Variants in IGSF11 observed in about 807,000 individuals in gnomAD.
The protein encoded by IGSF11 is CXADR like 1.
In IGSF11, 22 loss-of-function variants were observed where a neutral mutation model predicts 41.0. The ratio of observed to expected loss-of-function variants is 0.54; its 90% CI spans 0.38 to 0.77. The LOEUF (loss-of-function observed/expected upper bound fraction) is 0.77, where lower values mean the gene tolerates loss of function less well. IGSF11 is among the 30% of genes least tolerant of loss of function. The pLI is 0.00. For synonymous variants in IGSF11, 219 were observed against 201.3 expected, an observed-to-expected ratio of 1.09 and a Z score of -0.74; for missense variants, 444 against 530.8, an observed-to-expected ratio of 0.84 and a Z score of 1.61.
At chr3:119,014,895 C>T (rs954912005) in intron 1 of IGSF11, among the ~76,000 whole-genome samples, 3 of 152,160 alleles carry the variant, frequency 2.0e-5, no homozygotes, top group African/African-American at 7.2e-5. Flanking sequence ...AACATTAAAC[C>T]TTCAGAAGCA....
intron 1 of IGSF11, among the ~76,000 whole-genome samples, chr3:118,962,107 C>A (rs767781570): frequency 4.6e-5 from 7 of 152,152 alleles, no homozygotes; most frequent in Non-Finnish European, 5.9e-5. Flanking sequence ...ATGTCTCCAA[C>A]TACATATTCC....
In IGSF11 at chr3:118,994,028, G is replaced by A. The variant is rs142600479; in HGVS notation, c.52+40503C>T. On this transcript the variant is annotated intron_variant, in intron 1 of 6. Transcript: ENST00000393775. ...AAATGTTGTGGTATATGAATTATATGTCAATAAAATAGTTTTGCATTGTGC... is the reference window on the plus strand; with the variant it reads ...AAATGTTGTGGTATATGAATTATATATCAATAAAATAGTTTTGCATTGTGC... Among the ~76,000 whole-genome samples, 334 of 152,288 alleles carry A rather than the reference G, an allele frequency of 2.2e-3. 1 individual carries two copies. Among genetic ancestry groups the A allele is most frequent in the Middle Eastern group, 6.8e-3 (2 of 294 alleles).
rs1052289677 is a variant in IGSF11 at position 119,054,982 on chromosome 3, T to G, written c.49+50162A>C. 2.6e-5 allele frequency among the ~76,000 whole-genome samples: 4 copies of G among 152,028 alleles called. 1 individual carries two copies. Among genetic ancestry groups the G allele is most frequent in the East Asian group, 1.9e-4 (1 of 5,176 alleles). The stretch of plus-strand genomic sequence containing the variant: ...CCAGGTACTCCTCTGAGACAAAACT[T>G]TCAGAGGAACAATCAGGCAGCAGCA... On this transcript the variant is annotated intron_variant, in intron 1 of 6. Coordinates refer to the IGSF11 transcript ENST00000354673.
intron 1 of IGSF11, among the ~76,000 whole-genome samples, chr3:119,122,780 T>G (rs1314720663): frequency 6.6e-6 from 1 of 152,188 alleles, no homozygotes; most frequent in Admixed American, 6.5e-5. Context: ...GTGAACCCAC[T>G]GCCTTGAAGG....
intron 1 of IGSF11, among the ~76,000 whole-genome samples, chr3:118,992,539 C>A (rs1043445304): frequency 6.6e-6 from 1 of 152,216 alleles, no homozygotes; most frequent in African/African-American, 2.4e-5. Flanking sequence ...TAGCAGGGCA[C>A]ATAATCACCA....
At position 118,905,630 on chromosome 3, in the gene IGSF11, G is replaced by A; in HGVS notation, c.669C>T (p.Thr223=). ...CCTGGAGATCCAGAAGACAGGTGCT[G>A]GTTCCAATAGCATTAGAAGCCACGC... is the stretch of plus-strand genomic sequence containing the variant. ...YQCVASNAIG[T]STCLLDLQVI... The change falls in exon 5 of 7, where the codon ACC becomes ACT. Residue 223 remains threonine, a synonymous_variant. Coordinates refer to ENST00000393775, the MANE Select transcript of IGSF11 (RefSeq NM_001015887.3). 1.2e-6 allele frequency: 2 copies of A among 1,613,870 alleles called. No individual in the cohort carries two copies. The highest frequency in any genetic ancestry group is 4.5e-5 in the East Asian group (2 of 44,876).
intron 1 of IGSF11, among the ~76,000 whole-genome samples, chr3:119,021,835 A>G (rs1939322515): frequency 6.6e-6 from 1 of 152,212 alleles, no homozygotes; most frequent in South Asian, 2.1e-4. Context: ...GCTTAAATGA[A>G]TCAATTAAGA....
intron 1 of IGSF11, among the ~76,000 whole-genome samples, chr3:119,138,264 CA>C (rs2077589891): frequency 1.3e-5 from 2 of 152,064 alleles, no homozygotes; most frequent in African/African-American, 4.8e-5. Context: ...GAGATATCTT[CA>C]CTCCCATGTT....
chr3:119,120,151 C>A (rs2077313051), intron 1 of IGSF11, among the ~76,000 whole-genome samples: 1 of 152,188 alleles, frequency 6.6e-6, no homozygotes, highest in African/African-American at 2.4e-5. Flanking sequence ...ACACAGAACC[C>A]TTTGGCAAAG....
chr3:118,976,736 T>TAATGTATCA (rs1934153244), intron 1 of IGSF11, among the ~76,000 whole-genome samples: 1 of 152,204 alleles, frequency 6.6e-6, no homozygotes, highest in Non-Finnish European at 1.5e-5. Context: ...TGGACCATAT[T>TAATGTATCA]AATGTATCAA....
At chr3:119,128,810 C>T (rs1398699231) in intron 1 of IGSF11, among the ~76,000 whole-genome samples, 1 of 152,162 alleles carries the variant, frequency 6.6e-6, no homozygotes, top group Admixed American at 6.5e-5. Flanking sequence ...AATCCCATTA[C>T]TGGGTGTATT....
At chr3:118,935,982 C>A in intron 1 of IGSF11, among the ~76,000 whole-genome samples, 1 of 152,094 alleles carries the variant, frequency 6.6e-6, no homozygotes, top group African/African-American at 2.4e-5. Context: ...GAATGTGTCT[C>A]ATGGTTCCTC....
chr3:119,013,846 C>T (rs1345597297), intron 1 of IGSF11, among the ~76,000 whole-genome samples: 1 of 152,136 alleles, frequency 6.6e-6, no homozygotes, highest in African/African-American at 2.4e-5. Context: ...TCTCTCTTTC[C>T]AACCTATTTT....
chr3:118,989,544 C>T (rs994630979), intron 1 of IGSF11, among the ~76,000 whole-genome samples: 1 of 151,986 alleles, frequency 6.6e-6, no homozygotes, highest in Non-Finnish European at 1.5e-5. Flanking sequence ...GTAGAAGACA[C>T]GGGGTTTCAC....
chr3:119,086,659 C>T (rs1033692610), intron 1 of IGSF11, among the ~76,000 whole-genome samples: 9 of 152,140 alleles, frequency 5.9e-5, no homozygotes, highest in Non-Finnish European at 1.0e-4. Context: ...TCATATCCCA[C>T]CAAACTAAAC....
chr3:119,029,277 C>CGAGA (rs10662903), intron 1 of IGSF11, among the ~76,000 whole-genome samples: 3 of 146,336 alleles, frequency 2.1e-5, no homozygotes, highest in Non-Finnish European at 3.0e-5. Context: ...CACACACACC[C>CGAGA]GAGAGAGAGA....
chr3:118,995,884 G>A (rs113909794), intron 1 of IGSF11, among the ~76,000 whole-genome samples: 2 of 152,168 alleles, frequency 1.3e-5, no homozygotes, highest in African/African-American at 4.8e-5. Flanking sequence ...ATCTGACCTC[G>A]TGATCCGCCC....
At chr3:119,003,537 T>A (rs946805233) in intron 1 of IGSF11, among the ~76,000 whole-genome samples, 8 of 151,194 alleles carry the variant, frequency 5.3e-5, no homozygotes, top group Non-Finnish European at 1.2e-4. Context: ...AGAGAGGGCA[T>A]CCCTGTTTTC....
chr3:119,112,262 C>T (rs1465025816), intron 1 of IGSF11, among the ~76,000 whole-genome samples: 9 of 152,206 alleles, frequency 5.9e-5, no homozygotes, highest in Non-Finnish European at 8.8e-5. Context: ...TCGAGCTTCC[C>T]GCCTGCTTTG....
Sources: gnomAD v4.1 joint callset for allele counts (sites outside exome capture counted in the v4.1 genomes callset) on GRCh38, gnomAD v4.1.1 for gene constraint, MANE v1.5 for transcripts, NCBI Gene and HGNC (gene_info 2026-07-23, HGNC 2026-07-21) for gene names.